Variants in MIA3 observed in about 807,000 individuals in gnomAD.
The protein encoded by MIA3 is transport and Golgi organization protein 1 homolog.
Under a neutral mutation model 192.4 loss-of-function variants are expected in MIA3, and 90 were observed. The observed-to-expected ratio is 0.47, with a 90% CI of 0.39 to 0.56. The LOEUF (loss-of-function observed/expected upper bound fraction) is 0.56. Ranked by LOEUF, MIA3 falls within the 20% of genes least tolerant of loss-of-function variation. The pLI, the probability that MIA3 is intolerant of heterozygous loss-of-function variation, is 0.00. For synonymous variants in MIA3, 740 were observed against 792.8 expected, an observed-to-expected ratio of 0.93 and a Z score of 1.12; for missense variants, 2,123 against 2,269.4, an observed-to-expected ratio of 0.94 and a Z score of 1.31.
At position 222,662,306 on chromosome 1, in the gene MIA3, C is replaced by T; in HGVS notation, c.5236C>T (p.Pro1746Ser). 4 of 1,613,960 alleles carry T rather than the reference C, an allele frequency of 2.5e-6. No individual in the cohort carries two copies. The highest frequency in any genetic ancestry group is 1.6e-4 in the Middle Eastern group (1 of 6,062). The stretch of plus-strand genomic sequence containing the variant: ...GAACAGCAGCTCAAGAGGCTCTTCC[C>T]CTACCAGGGTACTCGATGAAGGCAA... Reference protein sequence around the residue: ...MMNSSSRGSSPTRVLDEGKVN... With the variant: ...MMNSSSRGSSSTRVLDEGKVN... Residue 1746 changes from proline to serine, a missense_variant, in exon 26 of 28, where the codon CCT becomes TCT. By Grantham distance (74) the Pro-to-Ser change is moderately conservative (BLOSUM62 -1). This residue lies in a region of MIA3 where 762 missense variants were observed against 856.4 expected (regional missense o/e 0.89). Transcript: ENST00000344922.
At chr1:222,665,098 C>A (rs1571915137) in intron 27 of MIA3, 1 of 541,074 alleles carries the variant, frequency 1.8e-6, no homozygotes, top group Non-Finnish European at 3.3e-6. Flanking sequence ...ACTGGGGAGT[C>A]TGAGGTGGGA....
chr1:222,659,384 A>T, intron 19 of MIA3, 69 bp from the exon 20 acceptor site: 1 of 1,391,090 alleles, frequency 7.2e-7, no homozygotes, highest in Non-Finnish European at 1.0e-6. Flanking sequence ...GGTAACGGTT[A>T]ACATAGTCAG....
chr1:222,620,553 C>G (rs541306737), intron 1 of MIA3, among the ~76,000 whole-genome samples: 2 of 152,304 alleles, frequency 1.3e-5, no homozygotes, highest in East Asian at 1.9e-4. Context: ...GATATCTTTT[C>G]CCATTAATTT....
At chr1:222,632,696 C>T (rs1450248286) in intron 5 of MIA3, among the ~76,000 whole-genome samples, 2 of 152,328 alleles carry the variant, frequency 1.3e-5, no homozygotes, top group South Asian at 2.1e-4. Context: ...GAAAGACTGA[C>T]CTGATGCAAA....
At chr1:222,627,145 G>GCTTTCTAACAT (rs1475670875) in intron 3 of MIA3, among the ~76,000 whole-genome samples, 1 of 152,216 alleles carries the variant, frequency 6.6e-6, no homozygotes, top group Non-Finnish European at 1.5e-5. Context: ...GAAATAATGG[G>GCTTTCTAACAT]CTTTCTAACA....
intron 6 of MIA3, among the ~76,000 whole-genome samples, chr1:222,639,167 A>G (rs1480700310): frequency 1.3e-5 from 2 of 152,230 alleles, no homozygotes; most frequent in African/African-American, 4.8e-5. Context: ...AAGAAATTCT[A>G]TCTAAGACAC....
chr1:222,653,583 G>A (rs1663555382), intron 15 of MIA3, among the ~76,000 whole-genome samples: 2 of 152,202 alleles, frequency 1.3e-5, no homozygotes, highest in Non-Finnish European at 2.9e-5. Context: ...AGCTGCACTG[G>A]TCATGTCTTA....
At chr1:222,644,600 T>C (rs1571887093) in intron 6 of MIA3, 1 of 1,550,354 alleles carries the variant, frequency 6.5e-7, no homozygotes, top group East Asian at 2.4e-5. Context: ...ACAGTCCCGA[T>C]TCCCGGGGAG....
At position 222,654,269 on chromosome 1, in the gene MIA3, C is replaced by A; in HGVS notation, c.4348C>A (p.Gln1450Lys). 1 of 1,613,846 alleles carries A rather than the reference C, an allele frequency of 6.2e-7. No individual in the cohort carries two copies. The highest frequency in any genetic ancestry group is 1.1e-5 in the South Asian group (1 of 91,004). ...GGDRNEKMKN[Q>K]IKQMMDVSRT... Reference sequence around the variant, plus strand: ...TGACCGGAATGAGAAGATGAAAAATCAAATTAAGCAGATGATGGATGTCTC... The same window carrying A: ...TGACCGGAATGAGAAGATGAAAAATAAAATTAAGCAGATGATGGATGTCTC... Residue 1450 changes from glutamine to lysine, a missense_variant, in exon 16 of 28, where the codon CAA (glutamine) becomes AAA (lysine). Around this residue, in one of 3 missense-constraint regions of MIA3, gnomAD observed 762 missense variants for 856.4 expected, o/e 0.89. Transcript: ENST00000344922.
chr1:222,628,510 A>G lies in MIA3; in HGVS notation c.1290A>G (p.Ser430=), dbSNP rs375042330. The G allele has an allele frequency of 3.2e-5, 52 of 1,613,854 alleles. No individual in the cohort carries two copies. In the African/African-American group the frequency reaches 6.5e-4, roughly 20 times the overall value. Residue 430 remains serine (S), a synonymous_variant, in exon 4 of 28, where the codon TCA becomes TCG. Coordinates refer to ENST00000344922, the MANE Select transcript of MIA3 (RefSeq NM_198551.4). ...VPDSKQGKPQ[S]ATDYSDPDNV... The stretch of plus-strand genomic sequence containing the variant: ...ATAGCAAACAGGGGAAACCACAGTC[A>G]GCAACAGATTATAGTGACCCTGACA...
At chr1:222,621,699 A>T (rs981985553) in intron 2 of MIA3, among the ~76,000 whole-genome samples, 8 of 152,124 alleles carry the variant, frequency 5.3e-5, no homozygotes, top group Non-Finnish European at 1.0e-4. Context: ...TTCTTTGTTT[A>T]TATTATTATT....
At chr1:222,635,544 T>C (rs1464877782) in intron 6 of MIA3, among the ~76,000 whole-genome samples, 1 of 152,232 alleles carries the variant, frequency 6.6e-6, no homozygotes, top group Non-Finnish European at 1.5e-5. Flanking sequence ...ATTCTGACTT[T>C]TGAAAGTCTT....
intron 6 of MIA3, 120 bp from the exon 7 acceptor site, chr1:222,645,434 T>G (rs868769048): frequency 1.2e-6 from 1 of 814,526 alleles, no homozygotes; most frequent in Middle Eastern, 2.4e-4. Flanking sequence ...TGAAGATTTT[T>G]GAGGGGATAG....
chr1:222,660,411 C>G (rs1663952704), intron 24 of MIA3, 97 bp downstream of exon 24: 2 of 1,250,130 alleles, frequency 1.6e-6, no homozygotes, highest in East Asian at 5.1e-5. Flanking sequence ...TCGGGTCTGT[C>G]CAGTATAGAA....
chr1:222,633,072 C>T (rs1558179745), intron 5 of MIA3, 32 bp from the exon 6 acceptor site: 2 of 1,564,298 alleles, frequency 1.3e-6, no homozygotes, highest in South Asian at 1.2e-5. Flanking sequence ...TATTCTAAAG[C>T]ACAAAATGTC....
At chr1:222,641,705 C>T (rs994340588) in intron 6 of MIA3, 1 of 553,868 alleles carries the variant, frequency 1.8e-6, no homozygotes, top group Middle Eastern at 3.2e-4. Context: ...TCATTGTTCT[C>T]GCTCAGCATG....
rs1662040441 is a variant in MIA3 at position 222,624,917 on chromosome 1, A to G, written c.354+63A>G. Reference sequence around the variant, plus strand: ...TTGGCTTATAAGTGACTACCTAGAAAAAAAGAAAAATTTCAAAAGAATTTA... The same window carrying G: ...TTGGCTTATAAGTGACTACCTAGAAGAAAAGAAAAATTTCAAAAGAATTTA... On this transcript the variant is annotated intron_variant, in intron 3 of 27. Coordinates refer to ENST00000344922, the MANE Select transcript of MIA3 (RefSeq NM_198551.4). The G allele has an allele frequency of 5.0e-6, 4 of 805,742 alleles. No individual in the cohort carries two copies. In the Admixed American group the frequency reaches 9.6e-5, roughly 19 times the overall value. The allele number at this position is 805,742 out of a possible 1,614,324, so 49.9% of individuals were successfully genotyped here. A position where few individuals can be genotyped will look rare whatever the true frequency, so the allele number is the denominator to read the frequency against.
chr1:222,651,008 C>T (rs1314956105), intron 11 of MIA3, 105 bp downstream of exon 11: 4 of 666,958 alleles, frequency 6.0e-6, no homozygotes, highest in Admixed American at 3.3e-5. Context: ...AGTAAGAGTG[C>T]GAGTCAGGGA....
intron 13 of MIA3, 115 bp from the exon 14 acceptor site, chr1:222,652,893 T>C (rs1663517294): frequency 2.5e-6 from 3 of 1,201,718 alleles, no homozygotes; most frequent in Admixed American, 2.3e-5. Context: ...TCTTAGCCCA[T>C]AGTGATAGGC....
Sources: gnomAD v4.1 joint callset for allele counts (sites outside exome capture counted in the v4.1 genomes callset) on GRCh38, gnomAD v4.1.1 for gene constraint, gnomAD v4.1.1 regional missense constraint, MANE v1.5 for transcripts, NCBI Gene and HGNC (gene_info 2026-07-23, HGNC 2026-07-21) for gene names.